DPYS: variants seen among roughly 807,000 people sequenced by gnomAD.
DPYS encodes dihydropyrimidinase.
Under a neutral mutation model 50.3 loss-of-function variants are expected in DPYS, and 39 were observed. The observed-to-expected ratio is 0.78, with a 90% CI of 0.60 to 1.01. The LOEUF is 1.01. DPYS is among the 50% of genes least tolerant of loss of function. The pLI is 0.00. For missense variants in DPYS, 659 were observed against 680.9 expected (o/e 0.97, Z 0.36); for synonymous variants, 245 against 250.7 (o/e 0.98, Z 0.22).
At chr8:104,403,576 A>C (rs1811897455) in intron 7 of DPYS, among the ~76,000 whole-genome samples, 1 of 152,230 alleles carries the variant, frequency 6.6e-6, no homozygotes, top group Non-Finnish European at 1.5e-5. Context: ...GGAAAAGAGA[A>C]GCTGGATAAC....
intron 4 of DPYS, among the ~76,000 whole-genome samples, chr8:104,442,658 G>T (rs1008173297): frequency 6.6e-6 from 1 of 152,160 alleles, no homozygotes; most frequent in African/African-American, 2.4e-5. Context: ...TACACTTAAG[G>T]CAAGATGTTG....
chr8:104,460,045 T>G (rs974034355), intron 1 of DPYS, among the ~76,000 whole-genome samples: 1 of 152,220 alleles, frequency 6.6e-6, no homozygotes, highest in Non-Finnish European at 1.5e-5. Flanking sequence ...TATGTGAATT[T>G]TTTTAATTTG....
At position 104,451,337 on chromosome 8, in the gene DPYS, A is replaced by G. The variant is rs1813731063; in HGVS notation, c.332T>C (p.Ile111Thr). Residue 111 changes from isoleucine (I) to threonine (T), a missense_variant, in exon 2 of 10, where the codon ATT (isoleucine) becomes ACT (threonine). Ile to Thr is a moderately conservative substitution (Grantham distance 89). Transcript: ENST00000351513. Reference sequence around the variant, plus strand: ...GCTTCGCCAGGTCTCGAAGGCCTCAATGAGGGAGCCACCTTTCTGAGGAAT... The same window carrying G: ...GCTTCGCCAGGTCTCGAAGGCCTCAGTGAGGGAGCCACCTTTCTGAGGAAT... ...FAIPQKGGSL[I>T]EAFETWRSWA... 5 of 1,614,224 alleles carry G rather than the reference A, an allele frequency of 3.1e-6. No individual in the cohort carries two copies. Among genetic ancestry groups the G allele is most frequent in the African/African-American group, 2.7e-5 (2 of 75,068 alleles).
At chr8:104,407,786 T>G (rs1374943194) in intron 7 of DPYS, among the ~76,000 whole-genome samples, 1 of 152,250 alleles carries the variant, frequency 6.6e-6, no homozygotes, top group African/African-American at 2.4e-5. Flanking sequence ...CTCTGGTTTC[T>G]CTCTTAAATG....
intron 7 of DPYS, among the ~76,000 whole-genome samples, chr8:104,411,016 T>C (rs562740283): frequency 6.6e-6 from 1 of 152,234 alleles, no homozygotes; most frequent in South Asian, 2.1e-4. Flanking sequence ...GGACAATTAT[T>C]TGGACTACTC....
chr8:104,447,630 G>T, intron 2 of DPYS, 127 bp from the exon 3 acceptor site: 3 of 1,153,182 alleles, frequency 2.6e-6, no homozygotes, highest in East Asian at 2.5e-5. Context: ...CAATAGTTTA[G>T]TTCCACAAAA....
intron 6 of DPYS, among the ~76,000 whole-genome samples, chr8:104,425,250 T>C (rs1456490628): frequency 2.0e-5 from 3 of 148,598 alleles, no homozygotes; most frequent in South Asian, 2.2e-4. Context: ...TGTTTCGAGA[T>C]ATGGTCTCAC....
intron 7 of DPYS, among the ~76,000 whole-genome samples, chr8:104,415,078 A>G (rs1406874039): frequency 6.6e-6 from 1 of 152,236 alleles, no homozygotes; most frequent in Non-Finnish European, 1.5e-5. Context: ...GTTAAATCAC[A>G]CATTTGTCCA....
chr8:104,430,688 C>T (rs1812924538), intron 4 of DPYS, among the ~76,000 whole-genome samples: 2 of 152,204 alleles, frequency 1.3e-5, no homozygotes, highest in African/African-American at 4.8e-5. Context: ...CCTATTATTT[C>T]ATAGATCCTT....
rs144821136 is a variant in DPYS, at chr8:104,451,326, C to T, written c.343G>A (p.Glu115Lys). 7.2e-5 allele frequency: 116 copies of T among 1,614,098 alleles called. 1 individual carries two copies. Among genetic ancestry groups the T allele is most frequent in the Admixed American group, 3.3e-4 (20 of 60,016 alleles). Reference sequence around the variant, plus strand: ...GGATCAGCCCAGCTTCGCCAGGTCTCGAAGGCCTCAATGAGGGAGCCACCT... The same window carrying T: ...GGATCAGCCCAGCTTCGCCAGGTCTTGAAGGCCTCAATGAGGGAGCCACCT... ...QKGGSLIEAF[E>K]TWRSWADPKV... Residue 115 changes from glutamate (E) to lysine (K), a missense_variant, in exon 2 of 10, where the codon GAG (glutamate) becomes AAG (lysine). Glu to Lys is a moderately conservative substitution (Grantham distance 56). Coordinates refer to ENST00000351513, the MANE Select transcript of DPYS (RefSeq NM_001385.3).
intron 7 of DPYS, among the ~76,000 whole-genome samples, chr8:104,413,099 C>CT (rs1233069236): frequency 6.6e-6 from 1 of 152,132 alleles, no homozygotes; most frequent in Non-Finnish European, 1.5e-5. Context: ...TATACAAAGA[C>CT]ATACAGTGTC....
At chr8:104,413,222 C>T (rs1812249697) in intron 7 of DPYS, among the ~76,000 whole-genome samples, 1 of 151,806 alleles carries the variant, frequency 6.6e-6, no homozygotes, top group Non-Finnish European at 1.5e-5. Flanking sequence ...ATAAAAAAAC[C>T]ACATTTCAAC....
rs999354836 is a variant in DPYS at position 104,429,473 on chromosome 8, G to A, written c.950+72C>T. Reference sequence around the variant, plus strand: ...TGGGAGGTTAGTGGAGGATCCAGATGGGAGGACGAGCTCCCTTCTACCCAA... The same window carrying A: ...TGGGAGGTTAGTGGAGGATCCAGATAGGAGGACGAGCTCCCTTCTACCCAA... On this transcript the variant is annotated intron_variant, in intron 5 of 9. Coordinates refer to ENST00000351513, the MANE Select transcript of DPYS (RefSeq NM_001385.3). The A allele has an allele frequency of 2.5e-6, 4 of 1,599,736 alleles. No homozygotes were observed. In the Admixed American group the frequency reaches 6.7e-5, roughly 27 times the overall value.
intron 4 of DPYS, 49 bp from the exon 5 acceptor site, chr8:104,429,750 G>T (rs761787901): frequency 6.2e-7 from 1 of 1,608,834 alleles, no homozygotes; most frequent in Admixed American, 1.7e-5. Context: ...ATTCTTAAGA[G>T]GACCATATGA....
At chr8:104,392,299 C>T (rs900341920) in intron 8 of DPYS, among the ~76,000 whole-genome samples, 1 of 152,194 alleles carries the variant, frequency 6.6e-6, no homozygotes, top group Non-Finnish European at 1.5e-5. Flanking sequence ...TCCCTGACGG[C>T]CTTTTTCAGC....
chr8:104,397,654 A>G (rs1811639275), intron 7 of DPYS, among the ~76,000 whole-genome samples: 1 of 152,240 alleles, frequency 6.6e-6, no homozygotes, highest in Non-Finnish European at 1.5e-5. Context: ...ACTAATACCT[A>G]TAAATACTTG....
At chr8:104,458,674 G>A (rs962425642) in intron 1 of DPYS, among the ~76,000 whole-genome samples, 9 of 152,176 alleles carry the variant, frequency 5.9e-5, no homozygotes, top group Non-Finnish European at 1.3e-4. Flanking sequence ...TAATTATGAT[G>A]GTTCACTTTT....
rs1052533579 is a variant in DPYS, at chr8:104,466,761, C to A, written c.160G>T (p.Ala54Ser). Reference protein sequence around the residue: ...GAPAGLRVLDAAGKLVLPGGI... With the variant: ...GAPAGLRVLDSAGKLVLPGGI... ...CCGGGCAGGACGAGCTTGCCGGCGG[C>A]GTCGAGGACCCGCAGCCCCGCAGGA... is the stretch of plus-strand genomic sequence containing the variant. Residue 54 changes from alanine (A) to serine (S), a missense_variant, in exon 1 of 10, where the codon GCC becomes TCC. By Grantham distance (99) the Ala-to-Ser change is moderately conservative. Transcript: ENST00000351513. 3.9e-6 allele frequency: 6 copies of A among 1,534,740 alleles called. No homozygotes were observed. Among genetic ancestry groups the A allele is most frequent in the Non-Finnish European group, 4.4e-6 (5 of 1,145,812 alleles).
intron 1 of DPYS, among the ~76,000 whole-genome samples, chr8:104,463,162 T>C (rs1814230530): frequency 6.6e-6 from 1 of 152,222 alleles, no homozygotes; most frequent in African/African-American, 2.4e-5. Context: ...TAGGGGCCCA[T>C]TTCCTGAAAG....
Sources: allele counts gnomAD v4.1 joint callset (sites outside exome capture counted in the v4.1 genomes callset), GRCh38; gene constraint gnomAD v4.1.1; transcripts MANE v1.5; gene names NCBI Gene and HGNC (gene_info 2026-07-23, HGNC 2026-07-21).